The following SOX5 variants were observed in gnomAD, a reference collection of about 807,000 sequenced individuals.
SOX5 encodes the protein SRY-box transcription factor 5, also known as transcription factor SOX-5.
SOX5 carries 9 observed loss-of-function variants against 92.0 expected under a neutral mutation model. The observed-to-expected ratio is 0.10, with a 90% CI of 0.06 to 0.17. The LOEUF (loss-of-function observed/expected upper bound fraction) is 0.17. Among genes scored for constraint, SOX5 ranks in the 10% least tolerant of loss-of-function variants. SOX5 has a pLI of 1.00. For missense variants in SOX5, 642 were observed against 944.5 expected, an observed-to-expected ratio of 0.68 and a Z score of 4.20; for synonymous variants, 344 against 336.3, an observed-to-expected ratio of 1.02 and a Z score of -0.25.
intron 2 of SOX5, among the ~76,000 whole-genome samples, chr12:24,301,026 G>C (rs1947882932): frequency 6.6e-6 from 1 of 152,148 alleles, no homozygotes; most frequent in South Asian, 2.1e-4. Flanking sequence ...GAGGGTCTCT[G>C]TACTCTCAGC....
intron 3 of SOX5, among the ~76,000 whole-genome samples, chr12:23,785,518 A>C (rs2095362659): frequency 6.6e-6 from 1 of 152,220 alleles, no homozygotes; most frequent in Non-Finnish European, 1.5e-5. Context: ...TTATTCCAAA[A>C]GTTTACTTTT....
chr12:23,628,650 G>A (rs1427597607), intron 8 of SOX5, among the ~76,000 whole-genome samples: 2 of 151,934 alleles, frequency 1.3e-5, no homozygotes, highest in Non-Finnish European at 2.9e-5. Flanking sequence ...AAAGGAGTAC[G>A]GCATTAAGAG....
intron 2 of SOX5, among the ~76,000 whole-genome samples, chr12:23,856,606 C>A (rs1274108460): frequency 6.6e-6 from 1 of 152,088 alleles, no homozygotes; most frequent in African/African-American, 2.4e-5. Context: ...TTGCTGTGGT[C>A]ATCATTAAGC....
intron 8 of SOX5, among the ~76,000 whole-genome samples, chr12:23,622,517 T>C (rs2077302417): frequency 8.6e-6 from 1 of 116,170 alleles, no homozygotes; most frequent in African/African-American, 3.5e-5. Context: ...AATTTGAAAA[T>C]AAAAAGGGTG....
chr12:23,768,014 A>G (rs1293435380), intron 3 of SOX5, among the ~76,000 whole-genome samples: 1 of 152,210 alleles, frequency 6.6e-6, no homozygotes, highest in Non-Finnish European at 1.5e-5. Context: ...GAGGGCTCCA[A>G]GGATGCTCAT....
intron 4 of SOX5, among the ~76,000 whole-genome samples, chr12:24,076,699 C>CTTTTTTTTTTTTTTTTTTTT: frequency 9.7e-6 from 1 of 102,882 alleles, no homozygotes; most frequent in Non-Finnish European, 1.9e-5. Context: ...CCAAAGCTGC[C>CTTTTTTTTTTTTTTTTTTTT]TTTTTTTTTT....
intron 1 of SOX5, among the ~76,000 whole-genome samples, chr12:23,928,055 C>T (rs1372380354): frequency 6.6e-6 from 1 of 151,926 alleles, no homozygotes; most frequent in Non-Finnish European, 1.5e-5. Context: ...ATGGAGCTCC[C>T]CAGTGAAAAT....
chr12:23,542,612 G>C (rs1345403383), intron 13 of SOX5, among the ~76,000 whole-genome samples: 3 of 152,140 alleles, frequency 2.0e-5, no homozygotes, highest in Non-Finnish European at 2.9e-5. Context: ...AAAGTATTTA[G>C]TATGACTAAA....
At chr12:23,948,954 C>A (rs1383986425) in intron 1 of SOX5, among the ~76,000 whole-genome samples, 1 of 152,106 alleles carries the variant, frequency 6.6e-6, no homozygotes, top group African/African-American at 2.4e-5. Context: ...GGAACAGCTC[C>A]ATTTATCCCC....
intron 7 of SOX5, among the ~76,000 whole-genome samples, chr12:23,660,003 A>G (rs1783330725): frequency 6.6e-6 from 1 of 151,980 alleles, no homozygotes; most frequent in South Asian, 2.1e-4. Context: ...CTTGGTGATT[A>G]TAATAAAAAC....
chr12:23,924,459 T>A (rs1939369359), intron 1 of SOX5, among the ~76,000 whole-genome samples: 1 of 152,152 alleles, frequency 6.6e-6, no homozygotes, highest in South Asian at 2.1e-4. Context: ...ACAGTGAAAT[T>A]TTGGTGAAAG....
intron 3 of SOX5, among the ~76,000 whole-genome samples, chr12:24,252,689 TAAAAA>T (rs542347992): frequency 7.3e-6 from 1 of 136,848 alleles, no homozygotes; most frequent in African/African-American, 2.6e-5. Flanking sequence ...GTCTATGCTT[TAAAAA>T]AAAAAAAAAA....
At chr12:23,875,113 T>C (rs932012765) in intron 2 of SOX5, among the ~76,000 whole-genome samples, 6 of 152,208 alleles carry the variant, frequency 3.9e-5, no homozygotes, top group African/African-American at 1.4e-4. Context: ...GTTTACCTAA[T>C]GTCACACCTG....
chr12:23,877,951 C>T (rs548604494), intron 2 of SOX5, among the ~76,000 whole-genome samples: 6 of 151,784 alleles, frequency 4.0e-5, no homozygotes, highest in Admixed American at 2.0e-4. Flanking sequence ...TTATGCTTTT[C>T]GGGTTCTGTT....
At chr12:24,163,524 T>A (rs1953017672) in intron 4 of SOX5, among the ~76,000 whole-genome samples, 1 of 151,314 alleles carries the variant, frequency 6.6e-6, no homozygotes, top group Admixed American at 6.6e-5. Flanking sequence ...TTTTTTGATA[T>A]TTATTCCGAG....
chr12:24,295,476 G>A (rs1290177176), intron 2 of SOX5, among the ~76,000 whole-genome samples: 3 of 152,174 alleles, frequency 2.0e-5, no homozygotes, highest in Non-Finnish European at 2.9e-5. Context: ...AATATATAAA[G>A]ACTAATAAAC....
intron 2 of SOX5, among the ~76,000 whole-genome samples, chr12:24,300,300 C>A (rs915044947): frequency 1.3e-5 from 2 of 152,136 alleles, no homozygotes; most frequent in African/African-American, 4.8e-5. Flanking sequence ...TACTGGAATT[C>A]AGCTATATCT....
At chr12:23,615,373 G>T (rs1020306703) in intron 8 of SOX5, among the ~76,000 whole-genome samples, 1 of 151,850 alleles carries the variant, frequency 6.6e-6, no homozygotes, top group South Asian at 2.1e-4. Context: ...TTAGGTCCAG[G>T]GGTACATGTG....
At chr12:23,631,476 A>T (rs1420286324) in intron 8 of SOX5, among the ~76,000 whole-genome samples, 1 of 152,076 alleles carries the variant, frequency 6.6e-6, no homozygotes, top group African/African-American at 2.4e-5. Context: ...TACTTTAAAA[A>T]TTTCAATAAA....
Sources: gnomAD v4.1 joint callset for allele counts (sites outside exome capture counted in the v4.1 genomes callset) on GRCh38, gnomAD v4.1.1 for gene constraint, MANE v1.5 for transcripts, NCBI Gene and HGNC (gene_info 2026-07-23, HGNC 2026-07-21) for gene names.